PARD3B: variants seen among roughly 807,000 people sequenced by gnomAD.
The protein encoded by PARD3B is partitioning defective 3 homolog B.
PARD3B carries 103 observed loss-of-function variants against 130.2 expected under a neutral mutation model. That is an observed-to-expected ratio of 0.79 (90% CI 0.67 to 0.93). The LOEUF (loss-of-function observed/expected upper bound fraction) is 0.93. PARD3B is among the 40% of genes least tolerant of loss of function. PARD3B has a pLI of 0.00. For synonymous variants in PARD3B, 583 were observed against 553.2 expected (o/e 1.05, Z -0.76); for missense variants, 1,609 against 1,499.2 (o/e 1.07, Z -1.21).
chr2:205,340,787 ACAAT>A (rs1387073582), intron 18 of PARD3B, among the ~76,000 whole-genome samples: 1 of 152,174 alleles, frequency 6.6e-6, no homozygotes, highest in Non-Finnish European at 1.5e-5. Flanking sequence ...AGTAAAGGAA[ACAAT>A]CAACAGAGTG....
chr2:205,493,013 C>T (rs969771855), intron 20 of PARD3B, among the ~76,000 whole-genome samples: 5 of 152,090 alleles, frequency 3.3e-5, no homozygotes, highest in African/African-American at 4.8e-5. Context: ...TTATTACCAA[C>T]TGAAAATAAA....
At chr2:204,792,103 A>G (rs1339958270) in intron 2 of PARD3B, among the ~76,000 whole-genome samples, 2 of 152,200 alleles carry the variant, frequency 1.3e-5, no homozygotes, top group Non-Finnish European at 2.9e-5. Flanking sequence ...CCCTTGGGAA[A>G]CTTGATAATG....
At chr2:205,181,009 A>T (rs897438207) in intron 13 of PARD3B, among the ~76,000 whole-genome samples, 2 of 152,134 alleles carry the variant, frequency 1.3e-5, no homozygotes, top group African/African-American at 2.4e-5. Flanking sequence ...GCCTCTGGTT[A>T]GCATTACCTC....
intron 1 of PARD3B, among the ~76,000 whole-genome samples, chr2:204,590,105 G>A (rs2033011792): frequency 6.6e-6 from 1 of 152,086 alleles, no homozygotes; most frequent in African/African-American, 2.4e-5. Flanking sequence ...CAATTCTGAA[G>A]GCTGAAAAGC....
At chr2:205,040,255 C>G (rs1383218715) in intron 3 of PARD3B, among the ~76,000 whole-genome samples, 2 of 152,216 alleles carry the variant, frequency 1.3e-5, no homozygotes, top group African/African-American at 4.8e-5. Flanking sequence ...AGCCACCACG[C>G]CCGGCTACTT....
At chr2:204,743,937 G>C (rs1409348759) in intron 2 of PARD3B, among the ~76,000 whole-genome samples, 3 of 152,058 alleles carry the variant, frequency 2.0e-5, no homozygotes, top group Admixed American at 6.6e-5. Flanking sequence ...TAACAACTAG[G>C]ACTACCTTGG....
At chr2:205,109,842 TGGTGTTTC>T (rs1186246209) in intron 5 of PARD3B, among the ~76,000 whole-genome samples, 4 of 151,880 alleles carry the variant, frequency 2.6e-5, no homozygotes, top group Non-Finnish European at 5.9e-5. Flanking sequence ...TTAGTAGAGA[TGGTGTTTC>T]TCCATGGTGG....
At chr2:205,178,300 A>G (rs1422018660) in intron 13 of PARD3B, among the ~76,000 whole-genome samples, 1 of 151,246 alleles carries the variant, frequency 6.6e-6, no homozygotes, top group African/African-American at 2.4e-5. Context: ...GTCTTTTCTC[A>G]TCTTAAAGAA....
At chr2:205,512,668 C>T (rs1304373057) in intron 21 of PARD3B, among the ~76,000 whole-genome samples, 1 of 152,180 alleles carries the variant, frequency 6.6e-6, no homozygotes, top group Non-Finnish European at 1.5e-5. Flanking sequence ...CACTTACCTA[C>T]AAGGAAAGAA....
chr2:205,157,858 T>A (rs1406774418), intron 10 of PARD3B, among the ~76,000 whole-genome samples: 9 of 152,150 alleles, frequency 5.9e-5, no homozygotes, highest in South Asian at 2.1e-4. Context: ...ACAGCACTTG[T>A]CTGTTCCCAC....
At chr2:204,731,986 G>C (rs923125587) in intron 2 of PARD3B, among the ~76,000 whole-genome samples, 1 of 151,806 alleles carries the variant, frequency 6.6e-6, no homozygotes, top group African/African-American at 2.4e-5. Context: ...TAACAAGTAA[G>C]TTCTTTCAGT....
intron 21 of PARD3B, among the ~76,000 whole-genome samples, chr2:205,535,533 A>T (rs565709654): frequency 6.6e-6 from 1 of 152,334 alleles, no homozygotes; most frequent in African/African-American, 2.4e-5. Flanking sequence ...AATACCATTA[A>T]TATGATATTT....
At position 205,591,767 on chromosome 2, in the gene PARD3B, G is replaced by A. The variant is rs989947647; in HGVS notation, c.3261-23689G>A. 6.6e-6 allele frequency among the ~76,000 whole-genome samples: 1 copy of A among 152,200 alleles called. No homozygotes were observed. The highest frequency in any genetic ancestry group is 1.5e-5 in the Non-Finnish European group (1 of 68,030). On this transcript the variant is annotated intron_variant, in intron 22 of 22. Transcript: ENST00000406610. The surrounding 1 kb of genome is among the most constrained non-coding windows in gnomAD (Gnocchi z 4.2). ...GGACCCCAGTCAGATGAGATAAAAA[G>A]AGAAGGTCTGGTGGTTCAGGTCACT...
At chr2:205,070,031 C>T (rs1388935139) in intron 4 of PARD3B, among the ~76,000 whole-genome samples, 1 of 152,154 alleles carries the variant, frequency 6.6e-6, no homozygotes, top group Non-Finnish European at 1.5e-5. Flanking sequence ...TCTGCTCAGC[C>T]TTCCTTGGGG....
At chr2:204,665,808 G>A (rs2035997754) in intron 1 of PARD3B, among the ~76,000 whole-genome samples, 1 of 152,316 alleles carries the variant, frequency 6.6e-6, no homozygotes, top group African/African-American at 2.4e-5. Flanking sequence ...GCATCGATTA[G>A]CGTACTTCTT....
chr2:205,468,184 A>T (rs1321001577), intron 20 of PARD3B, among the ~76,000 whole-genome samples: 1 of 152,220 alleles, frequency 6.6e-6, no homozygotes, highest in African/African-American at 2.4e-5. Context: ...CAGATATGGA[A>T]TATGTGTAAT....
At chr2:205,603,852 G>A (rs1206676036) in intron 22 of PARD3B, among the ~76,000 whole-genome samples, 1 of 152,156 alleles carries the variant, frequency 6.6e-6, no homozygotes, top group Non-Finnish European at 1.5e-5. Flanking sequence ...TTTCAGTTAA[G>A]GTTAATATTG....
At chr2:205,607,837 C>T (rs868167086) in intron 22 of PARD3B, among the ~76,000 whole-genome samples, 8,445 of 94,328 alleles carry the variant, frequency 0.09, 383 homozygotes, top group Non-Finnish European at 0.11. Context: ...CCCATACACA[C>T]ACACACACAC....
At chr2:205,532,651 CAT>C (rs752667385) in intron 21 of PARD3B, among the ~76,000 whole-genome samples, 1 of 152,186 alleles carries the variant, frequency 6.6e-6, no homozygotes, top group Non-Finnish European at 1.5e-5. Context: ...CACAAAGCTA[CAT>C]ATTAATTCAC....
Sources: allele counts gnomAD v4.1 joint callset (sites outside exome capture counted in the v4.1 genomes callset), GRCh38; gene constraint gnomAD v4.1.1; non-coding constraint Gnocchi (gnomAD v3.1); transcripts MANE v1.5; gene names NCBI Gene and HGNC (gene_info 2026-07-23, HGNC 2026-07-21).